ASTN2: variants seen among roughly 807,000 people sequenced by gnomAD.
The protein encoded by ASTN2 is astrotactin-2.
ASTN2 carries 54 observed loss-of-function variants against 139.8 expected under a neutral mutation model. The ratio of observed to expected loss-of-function variants is 0.39; its 90% CI spans 0.31 to 0.48. The LOEUF is 0.48. ASTN2 is among the 20% of genes least tolerant of loss of function. The probability of loss-of-function intolerance (pLI) is 0.95; values close to 1 mark genes in which losing one functional copy is unlikely to be tolerated. For synonymous variants in ASTN2, 756 were observed against 719.5 expected, an observed-to-expected ratio of 1.05 and a Z score of -0.81; for missense variants, 1,565 against 1,725.1, an observed-to-expected ratio of 0.91 and a Z score of 1.64.
intron 19 of ASTN2, among the ~76,000 whole-genome samples, chr9:116,513,494 T>C (rs1850497625): frequency 6.6e-6 from 1 of 151,258 alleles, no homozygotes; most frequent in African/African-American, 2.4e-5. Flanking sequence ...GTTGCTCTTC[T>C]CAAGGAGTTC....
rs113870652 is a variant in ASTN2 at position 116,901,188 on chromosome 9, C to T, written c.1890-37455G>A. Among the ~76,000 whole-genome samples the T allele has an allele frequency of 1.4e-3, 216 of 152,084 alleles. 1 individual carries two copies. Among genetic ancestry groups the T allele is most frequent in the African/African-American group, 5.1e-3 (211 of 41,486 alleles). ...TTAACTCACCTTATATGCCCATATG[C>T]CCAGGCAATAACGCATTGCATATAT... On this transcript the variant is annotated intron_variant, in intron 10 of 22. Coordinates refer to ENST00000313400, the MANE Select transcript of ASTN2 (RefSeq NM_001365068.1).
chr9:116,721,935 C>T (rs1387217848), intron 16 of ASTN2, among the ~76,000 whole-genome samples: 1 of 152,170 alleles, frequency 6.6e-6, no homozygotes, highest in Non-Finnish European at 1.5e-5. Flanking sequence ...ACTATACTTC[C>T]TTTCTGTGTC....
At chr9:116,749,423 T>C (rs1225757892) in intron 13 of ASTN2, among the ~76,000 whole-genome samples, 2 of 151,194 alleles carry the variant, frequency 1.3e-5, no homozygotes, top group Admixed American at 1.3e-4. Context: ...TTTGGGGTTA[T>C]TTTCTTTACG....
At chr9:117,360,181 G>A (rs1829654014) in intron 1 of ASTN2, among the ~76,000 whole-genome samples, 1 of 152,144 alleles carries the variant, frequency 6.6e-6, no homozygotes. Flanking sequence ...AACATTTGCT[G>A]AATATGTTTG....
At chr9:116,737,336 A>G (rs1180028644) in intron 13 of ASTN2, among the ~76,000 whole-genome samples, 1 of 152,136 alleles carries the variant, frequency 6.6e-6, no homozygotes, top group Non-Finnish European at 1.5e-5. Context: ...AGAACCTCAG[A>G]TGGAAGCCTA....
intron 20 of ASTN2, among the ~76,000 whole-genome samples, chr9:116,464,516 T>G (rs1848593122): frequency 6.6e-6 from 1 of 152,176 alleles, no homozygotes; most frequent in Middle Eastern, 3.2e-3. Flanking sequence ...GCATTCAATA[T>G]GTTGGTTATA....
chr9:117,230,123 A>C (rs1348331995), intron 2 of ASTN2, among the ~76,000 whole-genome samples: 1 of 151,932 alleles, frequency 6.6e-6, no homozygotes, highest in Admixed American at 6.6e-5. Flanking sequence ...TCTTAAAAAA[A>C]AAAAAAAGCC....
Position 117,016,630 on chromosome 9 carries a change from A to T in ASTN2, c.1424-8371T>A, listed in dbSNP as rs1355356145. On this transcript the variant is annotated intron_variant, in intron 6 of 22. Transcript: ENST00000313400. The stretch of plus-strand genomic sequence containing the variant: ...TATATCTATATCTATCTATCTATAT[A>T]TATATATATATATATATATATATAT... Among the ~76,000 whole-genome samples the T allele has an allele frequency of 2.6e-3, 42 of 16,088 alleles. 1 individual carries two copies. The highest frequency in any genetic ancestry group is 5.1e-3 in the Non-Finnish European group (37 of 7,284). The allele number at this position is 16,088 out of a possible 152,430, so 10.6% of individuals were successfully genotyped here. A position where few individuals can be genotyped will look rare whatever the true frequency, so the allele number is the denominator to read the frequency against.
At position 116,845,123 on chromosome 9, in the gene ASTN2, T is replaced by C. The variant is rs572530291; in HGVS notation, c.2040+18460A>G. Among the ~76,000 whole-genome samples the C allele has an allele frequency of 7.2e-5, 11 of 152,278 alleles. No homozygotes were observed. In the East Asian group the frequency reaches 2.1e-3, roughly 29 times the overall value. On this transcript the variant is annotated intron_variant, in intron 11 of 22. Coordinates refer to ENST00000313400, the MANE Select transcript of ASTN2 (RefSeq NM_001365068.1). The stretch of plus-strand genomic sequence containing the variant: ...CTCTCCACTGTACCATACCATTCTT[T>C]CTTTTTTTTGAGACGGAGTCTCACT...
At chr9:117,022,500 C>T (rs12340580) in intron 6 of ASTN2, among the ~76,000 whole-genome samples, 61,658 of 151,574 alleles carry the variant, frequency 0.41, 13,342 homozygotes, top group South Asian at 0.56. Context: ...CTGATGTGTT[C>T]CTCTTTGAAT....
intron 4 of ASTN2, among the ~76,000 whole-genome samples, chr9:117,120,018 G>GTGTGTGTATATGTATA (rs1306397698): frequency 2.2e-5 from 1 of 46,000 alleles, no homozygotes; most frequent in Non-Finnish European, 3.9e-5. Context: ...GTGTGTGTGT[G>GTGTGTGTATATGTATA]TATATATATA....
intron 10 of ASTN2, among the ~76,000 whole-genome samples, chr9:116,944,681 CAA>C (rs34943919): frequency 3.8e-4 from 20 of 53,332 alleles, no homozygotes; most frequent in Middle Eastern, 0.012. Context: ...GACTCTGTCT[CAA>C]AAAAAAAAAA....
At chr9:116,749,428 T>C (rs1414649919) in intron 13 of ASTN2, among the ~76,000 whole-genome samples, 2 of 134,964 alleles carry the variant, frequency 1.5e-5, no homozygotes, top group East Asian at 3.9e-4. Context: ...GGTTATTTTC[T>C]TTACGTCATG....
At chr9:116,976,670 T>A (rs763021720) in intron 8 of ASTN2, 31 bp downstream of exon 8, 6 of 1,603,770 alleles carry the variant, frequency 3.7e-6, no homozygotes, top group Non-Finnish European at 5.1e-6. Flanking sequence ...GGTCCTGCAC[T>A]GTCCTGGACC....
chr9:117,080,961 G>A (rs1435069360), intron 5 of ASTN2, among the ~76,000 whole-genome samples: 4 of 152,178 alleles, frequency 2.6e-5, no homozygotes, highest in Non-Finnish European at 4.4e-5. Context: ...AAATGTAATG[G>A]ATAGAGAGCC....
intron 10 of ASTN2, among the ~76,000 whole-genome samples, chr9:116,905,601 G>C (rs1834134085): frequency 6.6e-6 from 1 of 152,070 alleles, no homozygotes. Flanking sequence ...CAGTGCCCAG[G>C]GCAAGAGAAC....
chr9:117,194,644 A>G (rs909990440), intron 3 of ASTN2, among the ~76,000 whole-genome samples: 1 of 152,186 alleles, frequency 6.6e-6, no homozygotes, highest in Non-Finnish European at 1.5e-5. Context: ...GCTGACATCT[A>G]AGCTAATGTC....
intron 5 of ASTN2, among the ~76,000 whole-genome samples, chr9:117,063,920 C>A (rs973975482): frequency 2.6e-5 from 4 of 151,994 alleles, no homozygotes; most frequent in African/African-American, 9.7e-5. Context: ...AATAGTGTGC[C>A]AAGTGACCCT....
chr9:116,857,220 A>G (rs1000183320), intron 11 of ASTN2, among the ~76,000 whole-genome samples: 15 of 152,176 alleles, frequency 9.9e-5, no homozygotes, highest in African/African-American at 3.1e-4. Flanking sequence ...TGTAAAATGG[A>G]CATGATAGTT....
Sources: allele counts gnomAD v4.1 joint callset (sites outside exome capture counted in the v4.1 genomes callset), GRCh38; gene constraint gnomAD v4.1.1; transcripts MANE v1.5; gene names NCBI Gene and HGNC (gene_info 2026-07-23, HGNC 2026-07-21).